The following ARHGEF2 variants were observed in gnomAD, a reference collection of about 807,000 sequenced individuals.
The protein encoded by ARHGEF2 is Rho/Rac guanine nucleotide exchange factor 2.
In ARHGEF2, 22 loss-of-function variants were observed where a neutral mutation model predicts 121.0. The ratio of observed to expected loss-of-function variants is 0.18; its 90% CI spans 0.13 to 0.26. ARHGEF2 has a LOEUF of 0.26. ARHGEF2 is among the 10% of genes least tolerant of loss of function. The pLI is 1.00. For synonymous variants in ARHGEF2, 487 were observed against 530.0 expected (o/e 0.92, Z 1.11); for missense variants, 907 against 1,336.0 (o/e 0.68, Z 5.01).
chr1:155,948,790 T>C (rs1334761488), intron 21 of ARHGEF2, among the ~76,000 whole-genome samples: 1 of 151,864 alleles, frequency 6.6e-6, no homozygotes, highest in Non-Finnish European at 1.5e-5. Flanking sequence ...AATTTTAGAG[T>C]GAGATCCTCT....
In ARHGEF2 at chr1:155,961,689, G is replaced by T; in HGVS notation, c.1440C>A (p.Leu480=). ...TGAAGCGCCCCGTCGCTGTCTTCCAGAGCAGGCAGCCATCGTGGATGAGTT... is the reference window on the plus strand; with the variant it reads ...TGAAGCGCCCCGTCGCTGTCTTCCATAGCAGGCAGCCATCGTGGATGAGTT... ...RRKLIHDGCL[L]WKTATGRFKD... is the part of the protein sequence containing the mutation. The change falls in exon 11 of 22, where the codon CTC becomes CTA. Residue 480 remains leucine (L), a synonymous_variant. Transcript: ENST00000361247. The surrounding 1 kb of genome is among the most constrained non-coding windows in gnomAD (Gnocchi z 4.7). 1 of 1,613,518 alleles carries T rather than the reference G, an allele frequency of 6.2e-7. No homozygotes were observed. The highest frequency in any genetic ancestry group is 8.5e-7 in the Non-Finnish European group (1 of 1,180,024).
upstream of ARHGEF2, chr1:155,978,614 G>T (rs574784498): frequency 1.1e-4 from 143 of 1,257,274 alleles, no homozygotes; most frequent in African/African-American, 2.0e-3. The surrounding 1 kb of genome is among the most constrained non-coding windows in gnomAD (Gnocchi z 4.1). Flanking sequence ...GCTCAGGAAG[G>T]GGGTAGGCGG....
rs746489007 is a variant in ARHGEF2, at chr1:155,951,009, C to T, written c.2523G>A (p.Glu841=). The T allele has an allele frequency of 6.8e-6, 11 of 1,607,082 alleles. No homozygotes were observed. The Admixed American group carries it at 1.0e-4, about 15-fold the overall frequency. Residue 841 remains glutamate (E), a synonymous_variant, in exon 20 of 22, where the codon GAG becomes GAA. Coordinates refer to ENST00000361247, the MANE Select transcript of ARHGEF2 (RefSeq NM_001162383.2). The surrounding 1 kb of genome is among the most constrained non-coding windows in gnomAD (Gnocchi z 5.1). ...CCAGCAGTGCCCGGGCCTGCTCACT[C>T]TCCCGGAGCCGGGCCTCCAGGCTGC... ...EAGSLEARLR[E]SEQARALLER...
chr1:155,950,315 C>A lies in ARHGEF2; in HGVS notation c.2871G>T (p.Pro957=), dbSNP rs201575550. The change falls in exon 21 of 22, where the codon CCG becomes CCT. Residue 957 remains proline (P), a synonymous_variant. Coordinates refer to ENST00000361247, the MANE Select transcript of ARHGEF2 (RefSeq NM_001162383.2). The surrounding 1 kb of genome is among the most constrained non-coding windows in gnomAD (Gnocchi z 5.2). ...GGGTCTCACCTCGTGGACTGTGGGG[C>A]GGAGACAGACGGCTGCTACCTTCCT... ...SEEEGSSRLS[P]PHSPRDFTRM... 118 of 1,612,868 alleles carry A rather than the reference C, an allele frequency of 7.3e-5. No homozygotes were observed. The East Asian group carries it at 1.2e-3, about 16-fold the overall frequency.
At chr1:155,964,220 T>A (rs1223292471) in intron 7 of ARHGEF2, among the ~76,000 whole-genome samples, 1 of 132,874 alleles carries the variant, frequency 7.5e-6, no homozygotes, top group African/African-American at 3.0e-5. Context: ...ATATATATTT[T>A]TTTTTTAGAG....
At chr1:155,966,035 T>C (rs1217615437) in intron 4 of ARHGEF2, among the ~76,000 whole-genome samples, 2 of 152,114 alleles carry the variant, frequency 1.3e-5, no homozygotes, top group Non-Finnish European at 2.9e-5. Flanking sequence ...ACTTGGGTAA[T>C]GGCTAGGCAG....
At chr1:155,953,746 CAAAAAAAAAAA>C (rs926082849) in intron 14 of ARHGEF2, among the ~76,000 whole-genome samples, 10 of 45,314 alleles carry the variant, frequency 2.2e-4, no homozygotes, top group African/African-American at 6.9e-4. Flanking sequence ...GACCCTGTCT[CAAAAAAAAAAA>C]AAAAAAAAAG....
Position 155,950,299 on chromosome 1 carries a change from C to A in ARHGEF2, c.2887G>T (p.Asp963Tyr). The A allele has an allele frequency of 1.2e-6, 2 of 1,612,204 alleles. No homozygotes were observed. The highest frequency in any genetic ancestry group is 1.7e-6 in the Non-Finnish European group (2 of 1,179,930). ...GTCCATGTCTCCGCCAGGGTCTCAC[C>A]TCGTGGACTGTGGGGCGGAGACAGA... is the stretch of plus-strand genomic sequence containing the variant. Reference protein sequence around the residue: ...SRLSPPHSPRDFTRMQDIPEE... With the variant: ...SRLSPPHSPRYFTRMQDIPEE... Residue 963 changes from aspartate to tyrosine, a missense_variant and splice_region_variant, in exon 21 of 22, where the codon GAC becomes TAC. Asp to Tyr is a radical substitution (Grantham distance 160, BLOSUM62 -3). Around this residue, in one of 2 missense-constraint regions of ARHGEF2, gnomAD observed 432 missense variants for 559.5 expected, o/e 0.77. Transcript: ENST00000361247. The surrounding 1 kb of genome is among the most constrained non-coding windows in gnomAD (Gnocchi z 5.2).
In ARHGEF2 at chr1:155,951,658, C is replaced by T; in HGVS notation, c.2208+83G>A. On this transcript the variant is annotated intron_variant, in intron 18 of 21. Coordinates refer to ENST00000361247, the MANE Select transcript of ARHGEF2 (RefSeq NM_001162383.2). This position sits in a 1 kb window ranked among gnomAD's most constrained non-coding sequence, Gnocchi z 5.1. ...CATACTTGAATGTAGACGCTTTCCC[C>T]ACCCCACTCCAAACTGGGCTCTAAC... 4.4e-6 allele frequency: 7 copies of T among 1,607,870 alleles called. No individual in the cohort carries two copies. Among genetic ancestry groups the T allele is most frequent in the Non-Finnish European group, 6.0e-6 (7 of 1,174,500 alleles).
chr1:155,964,193 TATATAC>T (rs1194937449), intron 7 of ARHGEF2, among the ~76,000 whole-genome samples: 9 of 120,640 alleles, frequency 7.5e-5, no homozygotes, highest in South Asian at 5.2e-4. Flanking sequence ...TATATATATA[TATATAC>T]ATATATATAT....
At chr1:155,954,810 A>G in intron 14 of ARHGEF2, 92 bp downstream of exon 14, 1 of 1,255,782 alleles carries the variant, frequency 8.0e-7, no homozygotes, top group Non-Finnish European at 1.1e-6. Flanking sequence ...ACCAGCCCTC[A>G]TAGAGCCATC....
Position 155,952,722 on chromosome 1 carries a change from C to G in ARHGEF2, c.1890G>C (p.Gly630=). The G allele has an allele frequency of 6.2e-7, 1 of 1,614,224 alleles. No homozygotes were observed. The highest frequency in any genetic ancestry group is 1.1e-5 in the South Asian group (1 of 91,086). ...HFQAEEDGGS[G]MALPTLPRGL... ...CCCTGGGCAGGGTGGGCAGGGCCATCCCACTGCCACCATCCTCTTCGGCCT... is the reference window on the plus strand; with the variant it reads ...CCCTGGGCAGGGTGGGCAGGGCCATGCCACTGCCACCATCCTCTTCGGCCT... Residue 630 remains glycine (G), a synonymous_variant, in exon 15 of 22, where the codon GGG becomes GGC. Coordinates refer to ENST00000361247, the MANE Select transcript of ARHGEF2 (RefSeq NM_001162383.2).
rs762971566 is a variant in ARHGEF2 at position 155,961,937 on chromosome 1, G to A, written c.1220-28C>T. On this transcript the variant is annotated intron_variant, in intron 10 of 21. Transcript: ENST00000361247. This position sits in a 1 kb window ranked among gnomAD's most constrained non-coding sequence, Gnocchi z 4.7. ...GGCACCGGGGGTTGGCATGGGGAAC[G>A]GCTCAACCAGTTTCACTCACACCCC... 14 of 1,612,576 alleles carry A rather than the reference G, an allele frequency of 8.7e-6. No homozygotes were observed. Among genetic ancestry groups the A allele is most frequent in the East Asian group, 2.2e-5 (1 of 44,846 alleles).
chr1:155,961,597 T>C lies in ARHGEF2; in HGVS notation c.1468+64A>G, dbSNP rs908660905. ...GCCAAGAGAGGTTGATTCTAAGACC[T>C]GCAGGCATCTCCCACTCTCCATCTG... On this transcript the variant is annotated intron_variant, in intron 11 of 21. Transcript: ENST00000361247. The surrounding 1 kb of genome is among the most constrained non-coding windows in gnomAD (Gnocchi z 4.7). 3.8e-6 allele frequency: 6 copies of C among 1,568,066 alleles called. No homozygotes were observed. The East Asian group carries it at 1.4e-4, about 35-fold the overall frequency.
In ARHGEF2 at chr1:155,961,764, G is replaced by A. The variant is rs1248706085; in HGVS notation, c.1365C>T (p.Thr455=). ...CAAAGGGGCCCTTGCCAGGCACTGG[G>A]GTTTGGGCCCGAGGGTCCATGCGGT... is the stretch of plus-strand genomic sequence containing the variant. ...IYNRMDPRAQ[T]PVPGKGPFGR... The change falls in exon 11 of 22, where the codon ACC becomes ACT. Residue 455 remains threonine, a synonymous_variant. Transcript: ENST00000361247. This position sits in a 1 kb window ranked among gnomAD's most constrained non-coding sequence, Gnocchi z 4.7. 4 of 1,614,102 alleles carry A rather than the reference G, an allele frequency of 2.5e-6. No homozygotes were observed. Among genetic ancestry groups the A allele is most frequent in the East Asian group, 4.5e-5 (2 of 44,896 alleles).
chr1:155,950,126 C>T lies in ARHGEF2; in HGVS notation c.2887+173G>A. 9.2e-6 allele frequency: 7 copies of T among 760,438 alleles called. 1 individual carries two copies. The South Asian group carries it at 1.3e-4, about 14-fold the overall frequency. 47.1% of individuals were successfully genotyped at this position (760,438 alleles called of 1,614,324 possible). A position where few individuals can be genotyped will look rare whatever the true frequency, so the allele number is the denominator to read the frequency against. On this transcript the variant is annotated intron_variant, in intron 21 of 21. Transcript: ENST00000361247. The surrounding 1 kb of genome is among the most constrained non-coding windows in gnomAD (Gnocchi z 5.2). ...CCAACCAGTTGGAGGAGAGAGGCCC[C>T]TCCTGCTTCCTAGACTTCCACCACC...
rs1181408327 is a variant in ARHGEF2 at position 155,950,385 on chromosome 1, T to G, written c.2801A>C (p.Glu934Ala). The G allele has an allele frequency of 8.7e-6, 14 of 1,613,960 alleles. No individual in the cohort carries two copies. The highest frequency in any genetic ancestry group is 1.2e-5 in the Non-Finnish European group (14 of 1,180,032). The change falls in exon 21 of 22, where the codon GAA (glutamate) becomes GCA (alanine). Residue 934 changes from glutamate to alanine, a missense_variant. Glu to Ala is a moderately radical substitution (Grantham distance 107). This residue lies in a region of ARHGEF2 where 432 missense variants were observed against 559.5 expected (regional missense o/e 0.77). Transcript: ENST00000361247. This position sits in a 1 kb window ranked among gnomAD's most constrained non-coding sequence, Gnocchi z 5.2. The part of the protein sequence containing the change: ...DRERQELGSP[E>A]ERLQDSSDPD... Reference sequence around the variant, plus strand: ...GTCACTGCTGTCTTGCAGCCGCTCTTCGGGGCTCCCCAGTTCCTGCCTCTC... The same window carrying G: ...GTCACTGCTGTCTTGCAGCCGCTCTGCGGGGCTCCCCAGTTCCTGCCTCTC...
rs757887997 is a variant in ARHGEF2 at position 155,972,697 on chromosome 1, C to G, written c.64-3397G>C. ...TCCTTTGCTCTCCAGCATCTAGATA[C>G]TTTTTTTTTTCTTTTTTTTTTTGAG... On this transcript the variant is annotated intron_variant, in intron 1 of 21. Transcript: ENST00000361247. 3.7e-4 allele frequency among the ~76,000 whole-genome samples: 55 copies of G among 147,912 alleles called. 1 individual carries two copies. The highest frequency in any genetic ancestry group is 7.4e-4 in the Non-Finnish European group (49 of 66,642).
At chr1:155,953,746 C>CAAAAAAAAAAAA (rs926082849) in intron 14 of ARHGEF2, among the ~76,000 whole-genome samples, 1 of 45,314 alleles carries the variant, frequency 2.2e-5, no homozygotes. Flanking sequence ...GACCCTGTCT[C>CAAAAAAAAAAAA]AAAAAAAAAA....
Sources: allele counts gnomAD v4.1 joint callset (sites outside exome capture counted in the v4.1 genomes callset), GRCh38; gene constraint gnomAD v4.1.1; regional missense constraint gnomAD v4.1.1; non-coding constraint Gnocchi (gnomAD v3.1); transcripts MANE v1.5; gene names NCBI Gene and HGNC (gene_info 2026-07-23, HGNC 2026-07-21).